Variants in CYP2J2 observed in about 807,000 individuals in gnomAD.
CYP2J2 encodes the protein cytochrome P450 2J2.
A neutral mutation model predicts 48.8 loss-of-function variants in CYP2J2; 41 were observed. The observed-to-expected ratio is 0.84, with a 90% CI of 0.66 to 1.09. The LOEUF is 1.09. Among genes scored for constraint, CYP2J2 ranks in the 50% least tolerant of loss-of-function variants. The pLI is 0.00. For missense variants in CYP2J2, 644 were observed against 617.3 expected, an observed-to-expected ratio of 1.04 and a Z score of -0.46; for synonymous variants, 221 against 227.1, an observed-to-expected ratio of 0.97 and a Z score of 0.24.
chr1:59,910,045 C>T (rs910741488), intron 4 of CYP2J2, 85 bp from the exon 5 acceptor site: 11 of 1,065,934 alleles, frequency 1.0e-5, no homozygotes, highest in African/African-American at 6.6e-5. Flanking sequence ...CTTCTCTTTC[C>T]GTCTCTTTTA....
chr1:59,907,998 G>T (rs1467799990), intron 5 of CYP2J2, 71 bp from the exon 6 acceptor site: 7 of 1,466,996 alleles, frequency 4.8e-6, no homozygotes, highest in African/African-American at 1.4e-5. Flanking sequence ...AACACAAAGG[G>T]GCTTCATCCT....
the CYP2J2 span, among the ~76,000 whole-genome samples, chr1:59,955,959 G>A: frequency 1.3e-5 from 2 of 152,020 alleles, no homozygotes; most frequent in Admixed American, 1.3e-4. Flanking sequence ...TGAGGGTAAA[G>A]TTGCACACAT....
At chr1:59,911,877 T>C in intron 3 of CYP2J2, 109 bp from the exon 4 acceptor site, 1 of 1,141,800 alleles carries the variant, frequency 8.8e-7, no homozygotes, top group Non-Finnish European at 1.3e-6. Context: ...GAACCATATA[T>C]GAGGAGCTGG....
chr1:59,949,718 T>A, the CYP2J2 span, among the ~76,000 whole-genome samples: 1 of 128,346 alleles, frequency 7.8e-6, no homozygotes, highest in African/African-American at 3.0e-5. Context: ...TTTTTTTTTT[T>A]AGAACAAGTG....
intron 6 of CYP2J2, among the ~76,000 whole-genome samples, 159 bp downstream of exon 6, chr1:59,907,627 G>C (rs1426346083): frequency 6.6e-6 from 1 of 152,154 alleles, no homozygotes; most frequent in Non-Finnish European, 1.5e-5. Context: ...AATTCAGACA[G>C]AAAATATGAA....
rs747708112 is a variant in CYP2J2, at chr1:59,909,843, C to A, written c.802G>T (p.Asp268Tyr). 6.8e-6 allele frequency: 11 copies of A among 1,609,520 alleles called. No homozygotes were observed. Among genetic ancestry groups the A allele is most frequent in the Non-Finnish European group, 9.3e-6 (11 of 1,178,596 alleles). Reference sequence around the variant, plus strand: ...TCTCTTGTTTCTGCAGGATTCCAATCCTTTCTGTGTTTGTCAATCATATGA... The same window carrying A: ...TCTCTTGTTTCTGCAGGATTCCAATACTTTCTGTGTTTGTCAATCATATGA... ...VSHMIDKHRKDWNPAETRDFI... is the reference protein window; with the variant it reads ...VSHMIDKHRKYWNPAETRDFI... Residue 268 changes from aspartate (D) to tyrosine (Y), a missense_variant, in exon 5 of 9, where the codon GAT (aspartate) becomes TAT (tyrosine). Coordinates refer to ENST00000371204, the MANE Select transcript of CYP2J2 (RefSeq NM_000775.4).
intron 7 of CYP2J2, 97 bp downstream of exon 7, chr1:59,904,774 T>G: frequency 9.7e-7 from 1 of 1,035,228 alleles, no homozygotes; most frequent in Non-Finnish European, 1.4e-6. Context: ...ATCTTTTTCT[T>G]CCATTTAAAT....
the CYP2J2 span, among the ~76,000 whole-genome samples, chr1:59,935,035 T>TATATAC: frequency 9.6e-5 from 9 of 93,438 alleles, no homozygotes; most frequent in Non-Finnish European, 1.3e-4. Flanking sequence ...TATATATATA[T>TATATAC]ATATATATAT....
intron 6 of CYP2J2, among the ~76,000 whole-genome samples, chr1:59,905,713 C>T (rs1425384550): frequency 6.6e-6 from 1 of 152,180 alleles, no homozygotes; most frequent in Non-Finnish European, 1.5e-5. Context: ...ATAAATCTAC[C>T]TTCATCTTAA....
At chr1:59,915,794 A>C (rs1644459267) in intron 2 of CYP2J2, 144 bp downstream of exon 2, 2 of 713,708 alleles carry the variant, frequency 2.8e-6, no homozygotes, top group African/African-American at 1.8e-5. Context: ...GGAAATGTGA[A>C]TATCCAGCTT....
At chr1:59,915,596 A>T (rs560308897) in intron 2 of CYP2J2, among the ~76,000 whole-genome samples, 2 of 152,292 alleles carry the variant, frequency 1.3e-5, no homozygotes, top group South Asian at 4.2e-4. Context: ...GAAGATCCAC[A>T]TCCATTTTCC....
At chr1:59,965,844 G>T in the CYP2J2 span, among the ~76,000 whole-genome samples, 21 of 152,156 alleles carry the variant, frequency 1.4e-4, no homozygotes, top group Non-Finnish European at 2.8e-4. Context: ...TAGAGACGGG[G>T]CTTCGTCATG....
In CYP2J2 at chr1:59,911,719, G is replaced by A. The variant is rs1457562025; in HGVS notation, c.573C>T (p.Ile191=). ...GTTCTCCGAAGGTGATGGAGCAAAT[G>A]ATATTGGAAACTGCATTGTTGATCT... is the stretch of plus-strand genomic sequence containing the variant. ...HFKINNAVSN[I]ICSITFGERF... Residue 191 remains isoleucine (I), a synonymous_variant, in exon 4 of 9, where the codon ATC becomes ATT. Coordinates refer to ENST00000371204, the MANE Select transcript of CYP2J2 (RefSeq NM_000775.4). 1 of 1,613,704 alleles carries A rather than the reference G, an allele frequency of 6.2e-7. No individual in the cohort carries two copies. The highest frequency in any genetic ancestry group is 1.1e-5 in the South Asian group (1 of 91,028).
the CYP2J2 span, among the ~76,000 whole-genome samples, chr1:59,967,656 A>G: frequency 6.6e-6 from 1 of 152,160 alleles, no homozygotes; most frequent in East Asian, 1.9e-4. Context: ...TGGAAAACAC[A>G]CTCAGCAAAG....
chr1:59,904,696 C>A (rs1215912476), intron 7 of CYP2J2, among the ~76,000 whole-genome samples, 175 bp downstream of exon 7: 2 of 152,088 alleles, frequency 1.3e-5, no homozygotes, highest in East Asian at 1.9e-4. Context: ...CTCCCCTCCC[C>A]ACAATACCTA....
the CYP2J2 span, among the ~76,000 whole-genome samples, chr1:59,954,726 A>G: frequency 4.7e-3 from 719 of 152,234 alleles, 4 homozygotes; most frequent in African/African-American, 0.016. Flanking sequence ...GTTTTGGGGA[A>G]CCAAGATTCT....
At chr1:59,953,781 G>A in the CYP2J2 span, among the ~76,000 whole-genome samples, 4 of 152,174 alleles carry the variant, frequency 2.6e-5, no homozygotes, top group Non-Finnish European at 4.4e-5. Context: ...AAGGAGACTA[G>A]TGTGGAGTAC....
chr1:59,916,863 A>G (rs1644470797), intron 1 of CYP2J2, among the ~76,000 whole-genome samples: 1 of 152,126 alleles, frequency 6.6e-6, no homozygotes, highest in Non-Finnish European at 1.5e-5. Context: ...AGGCTGAGAC[A>G]TGATTAGTGT....
chr1:59,916,213 CTGTGTG>C, intron 1 of CYP2J2, 113 bp from the exon 2 acceptor site: 7 of 848,010 alleles, frequency 8.3e-6, no homozygotes, highest in South Asian at 1.7e-5. Flanking sequence ...GTGTCTGTGT[CTGTGTG>C]TGTACGTGTG....
Sources: gnomAD v4.1 joint callset for allele counts (sites outside exome capture counted in the v4.1 genomes callset) on GRCh38, gnomAD v4.1.1 for gene constraint, MANE v1.5 for transcripts, NCBI Gene and HGNC (gene_info 2026-07-23, HGNC 2026-07-21) for gene names.